Variants in FHIT observed in about 807,000 individuals in gnomAD.
FHIT encodes the protein fragile histidine triad diadenosine triphosphatase.
In FHIT, 19 loss-of-function variants were observed where a neutral mutation model predicts 17.9. That is an observed-to-expected ratio of 1.06 (90% CI 0.74 to 1.56). The LOEUF is 1.56. Among genes scored for constraint, FHIT ranks in the 40% most tolerant of loss-of-function variants. FHIT has a pLI of 0.00. For missense variants in FHIT, 248 were observed against 189.2 expected (o/e 1.31, Z -1.82); for synonymous variants, 81 against 69.7 (o/e 1.16, Z -0.81).
chr3:60,427,904 C>T (rs1470844981), intron 5 of FHIT, among the ~76,000 whole-genome samples: 1 of 152,144 alleles, frequency 6.6e-6, no homozygotes, highest in Non-Finnish European at 1.5e-5. Context: ...TTAATGTCTT[C>T]TCCATCCTCC....
intron 2 of FHIT, among the ~76,000 whole-genome samples, chr3:61,082,380 T>C (rs2035167388): frequency 6.6e-6 from 1 of 152,244 alleles, no homozygotes; most frequent in Non-Finnish European, 1.5e-5. Context: ...GCTGTTAGAA[T>C]GATCCTTGCT....
chr3:60,604,703 C>G (rs1287414568), intron 4 of FHIT, among the ~76,000 whole-genome samples: 1 of 152,168 alleles, frequency 6.6e-6, no homozygotes, highest in African/African-American at 2.4e-5. Context: ...GGTTCCCACT[C>G]TTGGTGTCCT....
chr3:60,380,210 C>A (rs867254282), intron 5 of FHIT, among the ~76,000 whole-genome samples: 5 of 151,964 alleles, frequency 3.3e-5, no homozygotes, highest in African/African-American at 1.2e-4. Flanking sequence ...AGCTTGGAGC[C>A]CTCCCCATGG....
Position 61,246,072 on chromosome 3 carries a change from A to G in FHIT, c.-213+5229T>C, listed in dbSNP as rs368604223. ...GTGACCTCTGGTCGTCCTCACTGCT[A>G]TACTCCCTCCAGCGCCATGACAGTT... On this transcript the variant is annotated intron_variant, in intron 1 of 9. Transcript: ENST00000492590. Among the ~76,000 whole-genome samples, 17 of 152,322 alleles carry G rather than the reference A, an allele frequency of 1.1e-4. No homozygotes were observed. In the East Asian group the frequency reaches 1.5e-3, roughly 14 times the overall value.
intron 2 of FHIT, among the ~76,000 whole-genome samples, chr3:61,144,213 C>T (rs1386747597): frequency 1.3e-5 from 2 of 152,194 alleles, no homozygotes; most frequent in Non-Finnish European, 1.5e-5. Context: ...CCCGCTACCC[C>T]TGCAGCCCTA....
At chr3:61,219,363 GTT>G (rs71100942) in intron 1 of FHIT, among the ~76,000 whole-genome samples, 4 of 140,348 alleles carry the variant, frequency 2.9e-5, no homozygotes, top group Non-Finnish European at 6.3e-5. Flanking sequence ...GTGTGTGTGT[GTT>G]TGTGTGTGTC....
At chr3:60,017,961 A>G (rs1700407835) in intron 5 of FHIT, among the ~76,000 whole-genome samples, 1 of 152,100 alleles carries the variant, frequency 6.6e-6, no homozygotes, top group South Asian at 2.1e-4. Context: ...GTTGCAGTCT[A>G]TTTCCCCTCC....
chr3:59,878,853 G>A (rs1559691761), intron 8 of FHIT, among the ~76,000 whole-genome samples: 1 of 152,026 alleles, frequency 6.6e-6, no homozygotes. Context: ...CCATCCCCAT[G>A]GCAGCTAATT....
chr3:60,316,847 T>C lies in FHIT; in HGVS notation c.103+220013A>G, dbSNP rs138732791. ...ACACACTCAATATTTTGATTACTGA[T>C]GGATTATACACAGCAATGTAGTGTG... On this transcript the variant is annotated intron_variant, in intron 5 of 9. Transcript: ENST00000492590. 1.8e-4 allele frequency among the ~76,000 whole-genome samples: 27 copies of C among 152,360 alleles called. No homozygotes were observed. In the East Asian group the frequency reaches 4.8e-3, roughly 27 times the overall value.
chr3:60,261,338 A>C (rs1706288423), intron 5 of FHIT, among the ~76,000 whole-genome samples: 1 of 152,030 alleles, frequency 6.6e-6, no homozygotes, highest in African/African-American at 2.4e-5. Context: ...TATATATCAT[A>C]TTACATCCTA....
intron 4 of FHIT, among the ~76,000 whole-genome samples, chr3:60,689,758 A>G (rs1014101554): frequency 6.6e-6 from 1 of 152,204 alleles, no homozygotes; most frequent in Non-Finnish European, 1.5e-5. Flanking sequence ...AATTTGTCAC[A>G]AATTTATTTC....
intron 5 of FHIT, among the ~76,000 whole-genome samples, chr3:60,057,093 T>A (rs1702112873): frequency 6.6e-6 from 1 of 152,136 alleles, no homozygotes; most frequent in Admixed American, 6.6e-5. Context: ...GTGGAACTTC[T>A]GGGGGTGGGA....
chr3:60,105,351 C>T (rs1379279855), intron 5 of FHIT, among the ~76,000 whole-genome samples: 2 of 152,150 alleles, frequency 1.3e-5, no homozygotes, highest in African/African-American at 4.8e-5. Context: ...CAAAATCTCT[C>T]GATAATTTTG....
At chr3:60,914,208 G>A (rs912052396) in intron 3 of FHIT, among the ~76,000 whole-genome samples, 1 of 152,130 alleles carries the variant, frequency 6.6e-6, no homozygotes, top group Admixed American at 6.5e-5. Flanking sequence ...CCCATTGGGA[G>A]CATAAGGAAT....
At chr3:61,169,387 A>G (rs528740007) in intron 2 of FHIT, among the ~76,000 whole-genome samples, 8 of 152,296 alleles carry the variant, frequency 5.3e-5, no homozygotes, top group African/African-American at 1.9e-4. Flanking sequence ...GTTCTCTCAA[A>G]TCATATAAGT....
chr3:60,383,310 C>A (rs961768048), intron 5 of FHIT, among the ~76,000 whole-genome samples: 25 of 152,172 alleles, frequency 1.6e-4, no homozygotes, highest in Non-Finnish European at 4.4e-5. Context: ...ACGATAATAA[C>A]AATATTTTTT....
intron 5 of FHIT, among the ~76,000 whole-genome samples, chr3:60,385,123 A>T (rs958054340): frequency 7.9e-5 from 12 of 152,180 alleles, no homozygotes; most frequent in African/African-American, 2.9e-4. Flanking sequence ...AACCTCTCCC[A>T]TTCCTGGTGT....
chr3:61,052,857 T>TC (rs1419751112), intron 2 of FHIT, among the ~76,000 whole-genome samples: 2 of 152,210 alleles, frequency 1.3e-5, no homozygotes, highest in East Asian at 3.9e-4. Flanking sequence ...TCTATTTTTT[T>TC]TTAAATGAAG....
At chr3:61,044,799 G>T (rs1213872665) in intron 2 of FHIT, among the ~76,000 whole-genome samples, 2 of 152,204 alleles carry the variant, frequency 1.3e-5, no homozygotes. Context: ...AGAAACTCTA[G>T]AAGCCAGAAG....
Sources: gnomAD v4.1 joint callset for allele counts (sites outside exome capture counted in the v4.1 genomes callset) on GRCh38, gnomAD v4.1.1 for gene constraint, MANE v1.5 for transcripts, NCBI Gene and HGNC (gene_info 2026-07-23, HGNC 2026-07-21) for gene names.